C1orf198: variants seen among roughly 807,000 people sequenced by gnomAD.
The protein encoded by C1orf198 is chromosome 1 open reading frame 198, also known as uncharacterized protein C1orf198.
In C1orf198, 17 loss-of-function variants were observed where a neutral mutation model predicts 31.4. The observed-to-expected ratio is 0.54, with a 90% CI of 0.37 to 0.81. The LOEUF (loss-of-function observed/expected upper bound fraction) is 0.81, where lower values mean the gene tolerates loss of function less well. Ranked by LOEUF, C1orf198 falls within the 40% of genes least tolerant of loss-of-function variation. The pLI is 0.00. For missense variants in C1orf198, 401 were observed against 450.3 expected, an observed-to-expected ratio of 0.89 and a Z score of 0.99; for synonymous variants, 175 against 193.8, an observed-to-expected ratio of 0.90 and a Z score of 0.81.
intron 1 of C1orf198, among the ~76,000 whole-genome samples, chr1:230,860,803 G>A (rs1233923955): frequency 6.6e-6 from 1 of 152,172 alleles, no homozygotes; most frequent in Non-Finnish European, 1.5e-5. Context: ...GAAATGGATG[G>A]TGGTGATGAT....
intron 2 of C1orf198, among the ~76,000 whole-genome samples, chr1:230,844,224 T>A (rs974142462): frequency 2.6e-5 from 4 of 152,080 alleles, no homozygotes; most frequent in African/African-American, 9.7e-5. Context: ...GGGGCGGATG[T>A]TGTCTTCATG....
rs1221509009 is a variant in C1orf198 at position 230,837,984 on chromosome 1, G to T, written c.*1868C>A. ...CCTTGGCCTACTCTCTAGGACACAGGTCTTTCTTCTGTGCTACACCAACAC... is the reference window on the plus strand; with the variant it reads ...CCTTGGCCTACTCTCTAGGACACAGTTCTTTCTTCTGTGCTACACCAACAC... On this transcript the variant is annotated 3_prime_UTR_variant, in exon 4 of 4. Transcript: ENST00000366663. The T allele has an allele frequency of 2.0e-5, 3 of 152,202 alleles. No homozygotes were observed. Among genetic ancestry groups the T allele is most frequent in the Non-Finnish European group, 4.4e-5 (3 of 68,028 alleles). 9.4% of individuals were successfully genotyped at this position (152,202 alleles called of 1,614,324 possible). A position where few individuals can be genotyped will look rare whatever the true frequency, so the allele number is the denominator to read the frequency against.
At chr1:230,845,252 C>T (rs1398766059) in intron 2 of C1orf198, among the ~76,000 whole-genome samples, 1 of 148,358 alleles carries the variant, frequency 6.7e-6, no homozygotes, top group African/African-American at 2.5e-5. Context: ...CATGATGACA[C>T]ACGCCTGTGG....
chr1:230,857,978 C>T lies in C1orf198; in HGVS notation c.334-2260G>A, dbSNP rs1053013417. On this transcript the variant is annotated intron_variant, in intron 1 of 3. Transcript: ENST00000366663. This position sits in a 1 kb window ranked among gnomAD's most constrained non-coding sequence, Gnocchi z 4.2. ...CTTCTGAACTGATTGGTATGCAGTGCCTCATGGCTGTCAAGCAAAACCTTT... is the reference window on the plus strand; with the variant it reads ...CTTCTGAACTGATTGGTATGCAGTGTCTCATGGCTGTCAAGCAAAACCTTT... Among the ~76,000 whole-genome samples the T allele has an allele frequency of 6.6e-6, 1 of 152,208 alleles. No homozygotes were observed. The highest frequency in any genetic ancestry group is 2.4e-5 in the African/African-American group (1 of 41,436).
At position 230,846,960 on chromosome 1, in the gene C1orf198, G is replaced by A. The variant is rs1272292344; in HGVS notation, c.385-3064C>T. On this transcript the variant is annotated intron_variant, in intron 2 of 3. Transcript: ENST00000366663. The stretch of plus-strand genomic sequence containing the variant: ...CTACTAAAAATACAAAAAATTAGCC[G>A]GGCGCGGTGGCGGGCGCCTGTAGTC... Among the ~76,000 whole-genome samples, 11 of 152,138 alleles carry A rather than the reference G, an allele frequency of 7.2e-5. No individual in the cohort carries two copies. In the South Asian group the frequency reaches 1.5e-3, roughly 20 times the overall value.
chr1:230,863,297 G>A (rs1670039700), intron 1 of C1orf198, among the ~76,000 whole-genome samples: 1 of 152,112 alleles, frequency 6.6e-6, no homozygotes, highest in African/African-American at 2.4e-5. Flanking sequence ...GCATGAGCAT[G>A]GTAATGGAAA....
rs568659423 is a variant in C1orf198, at chr1:230,840,766, G to A, written c.928-858C>T. On this transcript the variant is annotated intron_variant, in intron 3 of 3. Transcript: ENST00000366663. The surrounding 1 kb of genome is among the most constrained non-coding windows in gnomAD (Gnocchi z 4.0). ...GGCCAGCAGAAAATGCATACATGGC[G>A]GCAAGAGCAGGCAATGGGCTAATGG... Among the ~76,000 whole-genome samples, 8 of 152,282 alleles carry A rather than the reference G, an allele frequency of 5.3e-5. No individual in the cohort carries two copies. In the South Asian group the frequency reaches 6.2e-4, roughly 12 times the overall value.
At chr1:230,847,967 G>A (rs1388732624) in intron 2 of C1orf198, among the ~76,000 whole-genome samples, 4 of 152,234 alleles carry the variant, frequency 2.6e-5, no homozygotes. Flanking sequence ...GAGGGCAGCA[G>A]TGGGCAGAGC....
intron 3 of C1orf198, among the ~76,000 whole-genome samples, chr1:230,841,746 A>T (rs1173994213): frequency 6.6e-6 from 1 of 152,170 alleles, no homozygotes; most frequent in Non-Finnish European, 1.5e-5. Context: ...TAGAAATAGA[A>T]CCACCATGTG....
intron 2 of C1orf198, among the ~76,000 whole-genome samples, chr1:230,849,192 AT>A (rs1432569296): frequency 6.6e-6 from 1 of 152,178 alleles, no homozygotes; most frequent in Non-Finnish European, 1.5e-5. Context: ...ACAAAAGTCC[AT>A]TTTCTACAGG....
At position 230,857,148 on chromosome 1, in the gene C1orf198, C is replaced by G. The variant is rs530330725; in HGVS notation, c.334-1430G>C. Among the ~76,000 whole-genome samples, 48 of 152,210 alleles carry G rather than the reference C, an allele frequency of 3.2e-4. No individual in the cohort carries two copies. Among genetic ancestry groups the G allele is most frequent in the African/African-American group, 1.1e-3 (47 of 41,512 alleles). On this transcript the variant is annotated intron_variant, in intron 1 of 3. Coordinates refer to ENST00000366663, the MANE Select transcript of C1orf198 (RefSeq NM_032800.3). This position sits in a 1 kb window ranked among gnomAD's most constrained non-coding sequence, Gnocchi z 4.2. ...GAGGTCAGTCTTTGAACTCAAATAACGAAGGCATGCCAGGGTCTGGGCAGC... is the reference window on the plus strand; with the variant it reads ...GAGGTCAGTCTTTGAACTCAAATAAGGAAGGCATGCCAGGGTCTGGGCAGC...
At chr1:230,868,117 C>G in intron 1 of C1orf198, 63 bp downstream of exon 1, 3 of 1,321,622 alleles carry the variant, frequency 2.3e-6, no homozygotes, top group Non-Finnish European at 2.9e-6. Context: ...CAGGTGCCCA[C>G]CGGGCCGGGG....
intron 1 of C1orf198, among the ~76,000 whole-genome samples, chr1:230,858,389 T>C (rs1225689681): frequency 6.6e-6 from 1 of 152,232 alleles, no homozygotes; most frequent in Non-Finnish European, 1.5e-5. Flanking sequence ...TCTTCGTGAA[T>C]AAATGATCTC....
At chr1:230,867,899 T>G (rs1357118527) in intron 1 of C1orf198, among the ~76,000 whole-genome samples, 1 of 152,138 alleles carries the variant, frequency 6.6e-6, no homozygotes, top group African/African-American at 2.4e-5. Context: ...TTACGACAGC[T>G]CCGGGAGAAG....
At chr1:230,850,753 G>C (rs535060483) in intron 2 of C1orf198, among the ~76,000 whole-genome samples, 2 of 151,994 alleles carry the variant, frequency 1.3e-5, no homozygotes, top group Admixed American at 6.6e-5. Context: ...ACCAAGTTGC[G>C]GGTGGGTGGA....
At chr1:230,868,636 G>C (rs1227980507), upstream of C1orf198, 2 of 799,080 alleles carry the variant, frequency 2.5e-6, no homozygotes, top group Non-Finnish European at 3.1e-6. Flanking sequence ...CGCGTACCCG[G>C]GTCTCCAAGC....
Position 230,868,185 on chromosome 1 carries a change from C to T in C1orf198, c.328G>A (p.Asp110Asn). The change falls in exon 1 of 4, where the codon GAC (aspartate) becomes AAC (asparagine). Residue 110 changes from aspartate (D) to asparagine (N), a missense_variant. Coordinates refer to ENST00000366663, the MANE Select transcript of C1orf198 (RefSeq NM_032800.3). ...PTGQKVVRFG[D>N]EDLTWQDEHS... ...GCGGCCAGGCCCGCACCTACCTCGT[C>T]CCCGAAGCGCACCACCTTCTGGCCC... The T allele has an allele frequency of 6.6e-7, 1 of 1,511,020 alleles. No homozygotes were observed. Among genetic ancestry groups the T allele is most frequent in the Non-Finnish European group, 8.8e-7 (1 of 1,134,070 alleles). The allele number at this position is 1,511,020 out of a possible 1,614,324, so 93.6% of individuals were successfully genotyped here. A position where few individuals can be genotyped will look rare whatever the true frequency, so the allele number is the denominator to read the frequency against.
chr1:230,866,623 A>G (rs1558144004), intron 1 of C1orf198, among the ~76,000 whole-genome samples: 1 of 152,004 alleles, frequency 6.6e-6, no homozygotes, highest in Admixed American at 6.6e-5. Context: ...TTAGCTGGAC[A>G]CCAAGCTAAG....
Position 230,838,111 on chromosome 1 carries a change from G to C in C1orf198, c.*1741C>G, listed in dbSNP as rs893825885. 2.6e-5 allele frequency: 4 copies of C among 152,392 alleles called. No homozygotes were observed. The highest frequency in any genetic ancestry group is 2.6e-4 in the Admixed American group (4 of 15,308). The allele number at this position is 152,392 out of a possible 1,614,324, so 9.4% of individuals were successfully genotyped here. On this transcript the variant is annotated 3_prime_UTR_variant, in exon 4 of 4. Coordinates refer to ENST00000366663, the MANE Select transcript of C1orf198 (RefSeq NM_032800.3). This position sits in a 1 kb window ranked among gnomAD's most constrained non-coding sequence, Gnocchi z 4.2. ...GGAGGCAGGTGGCCGCTGATTCTGAGGATCCCTGTGTGAACAGTGCCGTTA... is the reference window on the plus strand; with the variant it reads ...GGAGGCAGGTGGCCGCTGATTCTGACGATCCCTGTGTGAACAGTGCCGTTA...
Sources: allele counts gnomAD v4.1 joint callset (sites outside exome capture counted in the v4.1 genomes callset), GRCh38; gene constraint gnomAD v4.1.1; non-coding constraint Gnocchi (gnomAD v3.1); transcripts MANE v1.5; gene names NCBI Gene and HGNC (gene_info 2026-07-23, HGNC 2026-07-21).